TENM3: variants seen among roughly 807,000 people sequenced by gnomAD.
The protein encoded by TENM3 is teneurin-3.
In TENM3, 63 loss-of-function variants were observed where a neutral mutation model predicts 255.1. That is an observed-to-expected ratio of 0.25 (90% confidence interval 0.20 to 0.30). The LOEUF (loss-of-function observed/expected upper bound fraction) is 0.30. TENM3 is among the 10% of genes least tolerant of loss of function. TENM3 has a pLI of 1.00. For missense variants in TENM3, 2,929 were observed against 3,461.1 expected (o/e 0.85, Z 3.86); for synonymous variants, 1,306 against 1,322.3 (o/e 0.99, Z 0.27).
chr4:181,590,303 A>G, the TENM3 span, among the ~76,000 whole-genome samples: 1 of 152,182 alleles, frequency 6.6e-6, no homozygotes, highest in African/African-American at 2.4e-5. Flanking sequence ...AGCTGCAGCC[A>G]AGAAGCTCGA....
At chr4:182,565,890 G>C (rs558070936) in intron 3 of TENM3, among the ~76,000 whole-genome samples, 4 of 152,178 alleles carry the variant, frequency 2.6e-5, no homozygotes, top group Non-Finnish European at 5.9e-5. Context: ...AAGTAAACTA[G>C]AAGGGCCCCT....
At chr4:182,330,225 C>T (rs1038122473) in intron 2 of TENM3, among the ~76,000 whole-genome samples, 4 of 152,142 alleles carry the variant, frequency 2.6e-5, no homozygotes, top group African/African-American at 7.2e-5. Flanking sequence ...TGTAAGTTTT[C>T]GGTGACACAA....
the TENM3 span, among the ~76,000 whole-genome samples, chr4:181,676,592 A>G: frequency 1.3e-5 from 2 of 152,090 alleles, no homozygotes; most frequent in African/African-American, 4.8e-5. Context: ...TCAGCTATGA[A>G]ACATTGGATT....
the TENM3 span, among the ~76,000 whole-genome samples, chr4:181,668,036 C>T: frequency 6.6e-6 from 1 of 152,160 alleles, no homozygotes; most frequent in Non-Finnish European, 1.5e-5. Context: ...AACATAAGCA[C>T]CATGAAGGCA....
At chr4:182,576,362 A>G (rs1744917667) in intron 3 of TENM3, among the ~76,000 whole-genome samples, 1 of 152,216 alleles carries the variant, frequency 6.6e-6, no homozygotes, top group African/African-American at 2.4e-5. Context: ...AGGTTTTGCT[A>G]TTTAAAAGGA....
chr4:182,170,576 C>T (rs1752039274), intron 1 of TENM3, among the ~76,000 whole-genome samples: 1 of 151,920 alleles, frequency 6.6e-6, no homozygotes, highest in African/African-American at 2.4e-5. Context: ...TGAAAGCCTA[C>T]ACTCTATGAT....
At chr4:181,871,655 A>G in the TENM3 span, among the ~76,000 whole-genome samples, 1 of 152,102 alleles carries the variant, frequency 6.6e-6, no homozygotes, top group African/African-American at 2.4e-5. Flanking sequence ...GAAAGGAAAA[A>G]ATATTCAATA....
the TENM3 span, among the ~76,000 whole-genome samples, chr4:181,968,621 A>T: frequency 6.6e-6 from 1 of 152,212 alleles, no homozygotes; most frequent in Non-Finnish European, 1.5e-5. Flanking sequence ...TTAAATGAAA[A>T]GAAAAATGAC....
At chr4:181,479,066 T>C in the TENM3 span, among the ~76,000 whole-genome samples, 3 of 152,322 alleles carry the variant, frequency 2.0e-5, no homozygotes, top group Admixed American at 1.3e-4. Context: ...AACATTCTAA[T>C]AGATAAATAC....
chr4:181,767,908 T>C, the TENM3 span, among the ~76,000 whole-genome samples: 1 of 152,096 alleles, frequency 6.6e-6, no homozygotes, highest in Admixed American at 6.5e-5. Flanking sequence ...TCCATGAAAA[T>C]GGTTAGGTAT....
chr4:182,424,659 A>T (rs1183834883), intron 3 of TENM3, among the ~76,000 whole-genome samples: 1 of 152,154 alleles, frequency 6.6e-6, no homozygotes, highest in Non-Finnish European at 1.5e-5. Context: ...AAAACGAACT[A>T]AATTGGCCTC....
At chr4:182,176,507 C>A (rs909026632) in intron 1 of TENM3, among the ~76,000 whole-genome samples, 8 of 152,130 alleles carry the variant, frequency 5.3e-5, no homozygotes, top group Non-Finnish European at 1.2e-4. Context: ...GAAATTGAAA[C>A]ATAGAATATT....
chr4:182,790,106 C>T (rs1445887479), intron 25 of TENM3, among the ~76,000 whole-genome samples: 1 of 152,136 alleles, frequency 6.6e-6, no homozygotes, highest in Non-Finnish European at 1.5e-5. Context: ...GAACAATCTC[C>T]ATGTAATTCC....
At chr4:181,600,018 G>A in the TENM3 span, among the ~76,000 whole-genome samples, 4 of 152,080 alleles carry the variant, frequency 2.6e-5, no homozygotes, top group South Asian at 6.2e-4. Context: ...ACCCACATCC[G>A]TGTGTATGAT....
At chr4:181,822,632 G>A in the TENM3 span, among the ~76,000 whole-genome samples, 1 of 152,196 alleles carries the variant, frequency 6.6e-6, no homozygotes, top group African/African-American at 2.4e-5. Flanking sequence ...CACTAATGCT[G>A]TAAGTTAGGA....
chr4:181,713,490 T>C, the TENM3 span, among the ~76,000 whole-genome samples: 5 of 152,320 alleles, frequency 3.3e-5, no homozygotes, highest in African/African-American at 1.2e-4. Flanking sequence ...GTGAAGCCTT[T>C]ACCTTGGTTG....
the TENM3 span, among the ~76,000 whole-genome samples, chr4:181,567,486 C>A: frequency 6.6e-6 from 1 of 152,202 alleles, no homozygotes; most frequent in African/African-American, 2.4e-5. Flanking sequence ...CAGACACCTT[C>A]AAATGGATAA....
the TENM3 span, among the ~76,000 whole-genome samples, chr4:181,806,383 AC>A: frequency 6.6e-6 from 1 of 151,714 alleles, no homozygotes; most frequent in East Asian, 1.9e-4. Context: ...GGCTGTCCCC[AC>A]CCCCGGCCTA....
At chr4:182,699,940 G>C (rs1422197527) in intron 12 of TENM3, among the ~76,000 whole-genome samples, 1 of 151,936 alleles carries the variant, frequency 6.6e-6, no homozygotes, top group Non-Finnish European at 1.5e-5. Flanking sequence ...GATAGAAAAT[G>C]CTCCTTCTGC....
Sources: allele counts gnomAD v4.1 joint callset (sites outside exome capture counted in the v4.1 genomes callset), GRCh38; gene constraint gnomAD v4.1.1; transcripts MANE v1.5; gene names NCBI Gene and HGNC (gene_info 2026-07-23, HGNC 2026-07-21).